The following NCKAP5 variants were observed in gnomAD, a reference collection of about 807,000 sequenced individuals.
The protein encoded by NCKAP5 is nck-associated protein 5.
NCKAP5 carries 92 observed loss-of-function variants against 167.0 expected under a neutral mutation model. That is an observed-to-expected ratio of 0.55 (90% CI 0.47 to 0.66). NCKAP5 has a LOEUF of 0.66. NCKAP5 is among the 30% of genes least tolerant of loss of function. The pLI, the probability that NCKAP5 is intolerant of heterozygous loss-of-function variation, is 0.00. For missense variants in NCKAP5, 2,378 were observed against 2,315.0 expected (o/e 1.03, Z -0.56); for synonymous variants, 891 against 877.4 (o/e 1.02, Z -0.27).
chr2:133,503,861 A>G (rs1271234780), intron 3 of NCKAP5, among the ~76,000 whole-genome samples: 1 of 152,212 alleles, frequency 6.6e-6, no homozygotes, highest in Non-Finnish European at 1.5e-5. Flanking sequence ...ATTGTCCATC[A>G]GCCCCACCAA....
At chr2:132,709,197 C>A (rs1437555205) in intron 19 of NCKAP5, among the ~76,000 whole-genome samples, 2 of 151,394 alleles carry the variant, frequency 1.3e-5, no homozygotes, top group African/African-American at 4.9e-5. Context: ...GTTTTTAAAC[C>A]CAACACAAAA....
chr2:133,398,973 T>C (rs1309052922), intron 3 of NCKAP5, among the ~76,000 whole-genome samples: 2 of 152,046 alleles, frequency 1.3e-5, no homozygotes, highest in Non-Finnish European at 2.9e-5. Context: ...GCATCACAGA[T>C]AATGGTGGAA....
At chr2:133,545,426 G>A (rs909455453) in intron 2 of NCKAP5, among the ~76,000 whole-genome samples, 7 of 152,106 alleles carry the variant, frequency 4.6e-5, no homozygotes, top group Admixed American at 3.3e-4. Flanking sequence ...GCTGTCCAAG[G>A]CAGAGAGTGA....
intron 8 of NCKAP5, among the ~76,000 whole-genome samples, chr2:132,951,507 T>C (rs2076186377): frequency 6.6e-6 from 1 of 152,210 alleles, no homozygotes; most frequent in Admixed American, 6.5e-5. Flanking sequence ...CACACTGCTT[T>C]GGTTATAAAG....
chr2:132,850,507 C>G (rs1352360787), intron 11 of NCKAP5, among the ~76,000 whole-genome samples: 3 of 151,912 alleles, frequency 2.0e-5, no homozygotes, highest in Non-Finnish European at 4.4e-5. Context: ...TAAAACAGCA[C>G]TAATACCCTG....
intron 4 of NCKAP5, among the ~76,000 whole-genome samples, chr2:133,240,458 ATGCCCCCCAAAG>A (rs1238918795): frequency 6.6e-6 from 1 of 152,158 alleles, no homozygotes; most frequent in Non-Finnish European, 1.5e-5. Flanking sequence ...CCCATCTCTG[ATGCCCCCCAAAG>A]TAGCTGCATA....
chr2:133,583,881 G>A, the NCKAP5 span, among the ~76,000 whole-genome samples: 194 of 152,212 alleles, frequency 1.3e-3, 1 homozygote, highest in Admixed American at 3.1e-3. Flanking sequence ...AGCCTCCCGA[G>A]TAGCTGGGAC....
chr2:132,799,911 T>A (rs1052753760), intron 11 of NCKAP5, among the ~76,000 whole-genome samples: 1 of 152,138 alleles, frequency 6.6e-6, no homozygotes, highest in African/African-American at 2.4e-5. Context: ...AAATCTACTT[T>A]TGTGTTAAGG....
chr2:133,376,272 TC>T (rs1206902336), intron 3 of NCKAP5, among the ~76,000 whole-genome samples: 2 of 152,076 alleles, frequency 1.3e-5, no homozygotes, highest in Non-Finnish European at 2.9e-5. Flanking sequence ...GGAAATAAAT[TC>T]CAGTAAATGT....
intron 6 of NCKAP5, among the ~76,000 whole-genome samples, chr2:133,121,420 A>G (rs1443721058): frequency 1.3e-5 from 2 of 152,154 alleles, no homozygotes; most frequent in African/African-American, 4.8e-5. Flanking sequence ...GGAAAAAGAT[A>G]AAGGTTGAGG....
chr2:133,367,037 T>C (rs577709979), intron 3 of NCKAP5, among the ~76,000 whole-genome samples: 2 of 152,288 alleles, frequency 1.3e-5, no homozygotes, highest in Admixed American at 1.3e-4. Context: ...TCCCACACCT[T>C]CAACCTTGAA....
At chr2:133,311,672 C>T (rs1360307732) in intron 3 of NCKAP5, among the ~76,000 whole-genome samples, 1 of 152,110 alleles carries the variant, frequency 6.6e-6, no homozygotes, top group African/African-American at 2.4e-5. Flanking sequence ...CCAGAAAATT[C>T]TAAGGGATTT....
chr2:133,519,208 C>T (rs1486521651), intron 2 of NCKAP5, among the ~76,000 whole-genome samples: 1 of 152,152 alleles, frequency 6.6e-6, no homozygotes, highest in East Asian at 1.9e-4. Context: ...CCAGCTTAGG[C>T]TTCCTCCTCC....
At chr2:133,463,410 A>T (rs1428601010) in intron 3 of NCKAP5, among the ~76,000 whole-genome samples, 2 of 152,246 alleles carry the variant, frequency 1.3e-5, no homozygotes, top group Admixed American at 1.3e-4. Context: ...CTATATTTGT[A>T]AATCCACTCT....
At chr2:132,895,257 G>A (rs901926300) in intron 8 of NCKAP5, among the ~76,000 whole-genome samples, 23 of 151,588 alleles carry the variant, frequency 1.5e-4, no homozygotes, top group Non-Finnish European at 3.1e-4. Flanking sequence ...CGTGAACCCG[G>A]GAGGCGGAGT....
At chr2:133,315,135 A>T (rs1681511575) in intron 3 of NCKAP5, among the ~76,000 whole-genome samples, 1 of 152,134 alleles carries the variant, frequency 6.6e-6, no homozygotes, top group African/African-American at 2.4e-5. Context: ...AAATGGTATC[A>T]CTTAAGTCTT....
chr2:133,646,225 T>C, the NCKAP5 span, among the ~76,000 whole-genome samples: 21 of 152,042 alleles, frequency 1.4e-4, no homozygotes, highest in African/African-American at 5.1e-4. Flanking sequence ...TGAAAACAGA[T>C]AATGTAAACA....
chr2:132,783,020 G>T lies in NCKAP5; in HGVS notation c.3791C>A (p.Pro1264Gln), dbSNP rs780666011. The T allele has an allele frequency of 5.0e-6, 8 of 1,613,690 alleles. No individual in the cohort carries two copies. The highest frequency in any genetic ancestry group is 6.8e-6 in the Non-Finnish European group (8 of 1,179,840). The change falls in exon 14 of 20, where the codon CCA (proline) becomes CAA (glutamine). Residue 1264 changes from proline to glutamine, a missense_variant. Around this residue, in one of 3 missense-constraint regions of NCKAP5, gnomAD observed 1,325 missense variants for 1,274.5 expected, o/e 1.04. Transcript: ENST00000409261. ...TTTGGCGCCATTCATACCCAGAGCT[G>T]GTTTTAGGTGTGGTTTGCTGGAGGA... ...SLSSSKPHLKPALGMNGAKAR... is the reference protein window; with the variant it reads ...SLSSSKPHLKQALGMNGAKAR...
the NCKAP5 span, among the ~76,000 whole-genome samples, chr2:133,604,965 A>T: frequency 6.6e-6 from 1 of 152,238 alleles, no homozygotes; most frequent in Admixed American, 6.5e-5. Flanking sequence ...AGTGATGAGA[A>T]GGCTATCGCC....
Sources: allele counts gnomAD v4.1 joint callset (sites outside exome capture counted in the v4.1 genomes callset), GRCh38; gene constraint gnomAD v4.1.1; regional missense constraint gnomAD v4.1.1; transcripts MANE v1.5; gene names NCBI Gene and HGNC (gene_info 2026-07-23, HGNC 2026-07-21).